The following DAB1 variants were observed in gnomAD, a reference collection of about 807,000 sequenced individuals.
The protein encoded by DAB1 is DAB adaptor protein 1, also known as disabled homolog 1.
DAB1 carries 15 observed loss-of-function variants against 64.6 expected under a neutral mutation model. That is an observed-to-expected ratio of 0.23 (90% CI 0.16 to 0.36). The LOEUF is 0.36. Ranked by LOEUF, DAB1 falls within the 10% of genes least tolerant of loss-of-function variation. The pLI, the probability that DAB1 is intolerant of heterozygous loss-of-function variation, is 1.00. For missense variants in DAB1, 596 were observed against 706.7 expected, an observed-to-expected ratio of 0.84 and a Z score of 1.78; for synonymous variants, 235 against 251.9, an observed-to-expected ratio of 0.93 and a Z score of 0.64.
At chr1:58,184,649 G>T (rs187367109) in intron 4 of DAB1, among the ~76,000 whole-genome samples, 1 of 152,238 alleles carries the variant, frequency 6.6e-6, no homozygotes, top group African/African-American at 2.4e-5. Context: ...CAATTGGCTG[G>T]AACATGAATT....
At chr1:57,637,736 G>A (rs753666942) in intron 7 of DAB1, among the ~76,000 whole-genome samples, 1 of 152,108 alleles carries the variant, frequency 6.6e-6, no homozygotes, top group Non-Finnish European at 1.5e-5. Context: ...TTTTAGTAAG[G>A]GGAGTGCTTA....
intron 6 of DAB1, among the ~76,000 whole-genome samples, chr1:57,751,834 T>TACTTAATA (rs139378450): frequency 6.6e-6 from 1 of 150,786 alleles, no homozygotes; most frequent in African/African-American, 2.5e-5. Flanking sequence ...ATTCTTTACT[T>TACTTAATA]AATAAATAAA....
At chr1:58,026,359 C>T (rs1163284745) in intron 5 of DAB1, among the ~76,000 whole-genome samples, 1 of 152,150 alleles carries the variant, frequency 6.6e-6, no homozygotes, top group Non-Finnish European at 1.5e-5. Context: ...ATCTCTCCTA[C>T]TTATTAATGA....
At chr1:58,016,416 T>G (rs1646739960) in intron 5 of DAB1, among the ~76,000 whole-genome samples, 1 of 152,158 alleles carries the variant, frequency 6.6e-6, no homozygotes, top group South Asian at 2.1e-4. Context: ...CCACGGCATG[T>G]TAAGTGATAC....
At chr1:57,049,587 T>C (rs1648963864) in intron 9 of DAB1, among the ~76,000 whole-genome samples, 1 of 149,194 alleles carries the variant, frequency 6.7e-6, no homozygotes, top group Non-Finnish European at 1.5e-5. Flanking sequence ...GCATGTCACC[T>C]CAGAGCTAGC....
chr1:58,167,251 CT>C (rs2100759459), intron 4 of DAB1, among the ~76,000 whole-genome samples: 1 of 152,200 alleles, frequency 6.6e-6, no homozygotes, highest in Non-Finnish European at 1.5e-5. Context: ...CCAATCAGCA[CT>C]CTGTAAAAAT....
chr1:57,055,255 A>G (rs1213298342), intron 9 of DAB1, among the ~76,000 whole-genome samples: 1 of 152,248 alleles, frequency 6.6e-6, no homozygotes, highest in Non-Finnish European at 1.5e-5. Context: ...ATTAATCCTT[A>G]TATTGGCTCA....
chr1:58,324,660 T>G lies in DAB1; in HGVS notation n.309+18692A>C, dbSNP rs566571263. On this transcript the variant is annotated intron_variant and non_coding_transcript_variant, in intron 4 of 20. Transcript: ENST00000485760. Reference sequence around the variant, plus strand: ...TTTTCTTTTTCTTACTGTGCCTTTCTGTTCCAAGACACCTGCCTCTTGGCT... The same window carrying G: ...TTTTCTTTTTCTTACTGTGCCTTTCGGTTCCAAGACACCTGCCTCTTGGCT... Among the ~76,000 whole-genome samples the G allele has an allele frequency of 2.6e-5, 4 of 152,358 alleles. No individual in the cohort carries two copies. The South Asian group carries it at 8.3e-4, about 32-fold the overall frequency.
At chr1:57,292,639 A>G (rs1003419514) in intron 1 of DAB1, among the ~76,000 whole-genome samples, 2 of 152,188 alleles carry the variant, frequency 1.3e-5, no homozygotes. Context: ...TTTATTAATA[A>G]TATTTACCAT....
At chr1:57,949,714 T>C (rs1024406835) in intron 5 of DAB1, among the ~76,000 whole-genome samples, 1 of 152,182 alleles carries the variant, frequency 6.6e-6, no homozygotes, top group Non-Finnish European at 1.5e-5. Flanking sequence ...TTCACCTACA[T>C]TTTTGCAGGT....
At chr1:57,158,561 C>T (rs1406673370) in intron 2 of DAB1, among the ~76,000 whole-genome samples, 1 of 152,106 alleles carries the variant, frequency 6.6e-6, no homozygotes, top group African/African-American at 2.4e-5. Flanking sequence ...GTTAGGCTAT[C>T]CAATTTAAGA....
chr1:57,090,485 G>C (rs146224852), intron 4 of DAB1, among the ~76,000 whole-genome samples: 322 of 152,260 alleles, frequency 2.1e-3, no homozygotes, highest in African/African-American at 7.6e-3. Flanking sequence ...CGTTTCTAAA[G>C]TGCCCCCTAC....
intron 7 of DAB1, among the ~76,000 whole-genome samples, chr1:57,599,042 T>G (rs1253063386): frequency 6.6e-6 from 1 of 151,712 alleles, no homozygotes; most frequent in Non-Finnish European, 1.5e-5. Flanking sequence ...TTTATTTTTT[T>G]TCTGCACCCC....
At chr1:57,118,498 T>C (rs921894319) in intron 4 of DAB1, among the ~76,000 whole-genome samples, 13 of 152,170 alleles carry the variant, frequency 8.5e-5, no homozygotes, top group Non-Finnish European at 1.9e-4. Context: ...CAGGGATGTA[T>C]ACGTAGCTCC....
rs558112850 is a variant in DAB1, at chr1:57,835,158, T to G, written n.88-8703A>C. Among the ~76,000 whole-genome samples, 33 of 152,310 alleles carry G rather than the reference T, an allele frequency of 2.2e-4. 1 individual carries two copies. In the South Asian group the frequency reaches 6.6e-3, roughly 31 times the overall value. The stretch of plus-strand genomic sequence containing the variant: ...TGCTGGATAATAATAATTGTCAACA[T>G]GATTTCAGATTCTATGCTTAGACTA... On this transcript the variant is annotated intron_variant and non_coding_transcript_variant, in intron 1 of 1. Coordinates refer to the DAB1 transcript ENST00000477280.
At chr1:58,411,786 G>T (rs145925669) in intron 3 of DAB1, among the ~76,000 whole-genome samples, 2 of 152,144 alleles carry the variant, frequency 1.3e-5, no homozygotes, top group Non-Finnish European at 2.9e-5. Context: ...CTCCCAGCAC[G>T]GTAGTTACAG....
At chr1:57,341,450 A>C (rs967872384) in intron 1 of DAB1, among the ~76,000 whole-genome samples, 2 of 152,194 alleles carry the variant, frequency 1.3e-5, no homozygotes, top group Non-Finnish European at 2.9e-5. Flanking sequence ...CCTGTCAATA[A>C]AATGATTCAT....
chr1:57,775,158 T>C (rs975778418), intron 6 of DAB1, among the ~76,000 whole-genome samples: 1 of 151,524 alleles, frequency 6.6e-6, no homozygotes, highest in Non-Finnish European at 1.5e-5. Context: ...TCCTCTTTTT[T>C]CTTGGTTAGC....
At chr1:58,337,221 G>A (rs531147854) in intron 4 of DAB1, among the ~76,000 whole-genome samples, 341 of 151,112 alleles carry the variant, frequency 2.3e-3, no homozygotes, top group Middle Eastern at 3.4e-3. Context: ...GGCAGAGGTT[G>A]CAATGAGCAG....
Sources: gnomAD v4.1 joint callset for allele counts (sites outside exome capture counted in the v4.1 genomes callset) on GRCh38, gnomAD v4.1.1 for gene constraint, MANE v1.5 for transcripts, NCBI Gene and HGNC (gene_info 2026-07-23, HGNC 2026-07-21) for gene names.